PDCD11: variants seen among roughly 807,000 people sequenced by gnomAD.
The protein encoded by PDCD11 is programmed cell death 11, also known as protein RRP5 homolog.
A neutral mutation model predicts 198.9 loss-of-function variants in PDCD11; 97 were observed. That is an observed-to-expected ratio of 0.49 (90% CI 0.41 to 0.58). The LOEUF is 0.58. Among genes scored for constraint, PDCD11 ranks in the 20% least tolerant of loss-of-function variants. The pLI, the probability that PDCD11 is intolerant of heterozygous loss-of-function variation, is 0.00. For missense variants in PDCD11, 2,102 were observed against 2,312.7 expected, an observed-to-expected ratio of 0.91 and a Z score of 1.87; for synonymous variants, 893 against 918.0, an observed-to-expected ratio of 0.97 and a Z score of 0.49.
At chr10:103,397,314 A>G (rs182465517) in intron 1 of PDCD11, among the ~76,000 whole-genome samples, 5 of 150,644 alleles carry the variant, frequency 3.3e-5, no homozygotes, top group Admixed American at 2.0e-4. Context: ...CTTCATGTCC[A>G]ATCTATAGCC....
At chr10:103,435,864 TA>T (rs1332149844) in intron 25 of PDCD11, among the ~76,000 whole-genome samples, 3 of 152,166 alleles carry the variant, frequency 2.0e-5, no homozygotes, top group Non-Finnish European at 4.4e-5. Flanking sequence ...AATAAATTCC[TA>T]GAAGTGAAAT....
Position 103,443,936 on chromosome 10 carries a change from C to A in PDCD11, c.5146C>A (p.Arg1716=). 6.2e-7 allele frequency: 1 copy of A among 1,614,170 alleles called. No homozygotes were observed. Among genetic ancestry groups the A allele is most frequent in the Non-Finnish European group, 8.5e-7 (1 of 1,180,016 alleles). ...ACAGGAAGCTGGTGAACTCTACAAC[C>A]GGATGCTGAAGCGTTTCCGGCAGGA... The part of the protein sequence containing the change: ...KFQEAGELYN[R]MLKRFRQEKA... The change falls in exon 34 of 36, where the codon CGG becomes AGG. Residue 1716 remains arginine, a synonymous_variant. Transcript: ENST00000369797.
At chr10:103,399,873 T>G (rs2093455310) in intron 2 of PDCD11, 2 of 151,840 alleles carry the variant, frequency 1.3e-5, no homozygotes, top group Admixed American at 1.3e-4. Context: ...GTATTTTTAG[T>G]GGAAAAAAAA....
At chr10:103,410,389 GTAT>G (rs1194595226) in intron 8 of PDCD11, among the ~76,000 whole-genome samples, 1 of 151,968 alleles carries the variant, frequency 6.6e-6, no homozygotes, top group Non-Finnish European at 1.5e-5. Context: ...GGTGGTAGTA[GTAT>G]TTTTGTTTTT....
At chr10:103,397,693 C>G (rs887007563) in intron 1 of PDCD11, among the ~76,000 whole-genome samples, 1 of 152,216 alleles carries the variant, frequency 6.6e-6, no homozygotes, top group Non-Finnish European at 1.5e-5. Flanking sequence ...CTCGGGCTCC[C>G]GAAGTGCTGG....
At chr10:103,414,766 T>C (rs1327031777) in intron 11 of PDCD11, among the ~76,000 whole-genome samples, 1 of 152,206 alleles carries the variant, frequency 6.6e-6, no homozygotes, top group Non-Finnish European at 1.5e-5. Context: ...GGAATGTATT[T>C]TAAGGCACAC....
At chr10:103,421,596 G>A in intron 17 of PDCD11, 29 bp downstream of exon 17, 2 of 1,483,382 alleles carry the variant, frequency 1.3e-6, no homozygotes, top group African/African-American at 1.4e-5. Flanking sequence ...AGGGGAGGTG[G>A]GCCAGGGGTG....
In PDCD11 at chr10:103,425,480, C is replaced by CTT; in HGVS notation, c.3260_3261insTT (p.Val1088TrpfsTer6). On this transcript the variant is annotated frameshift_variant, in exon 20 of 36. Coordinates refer to ENST00000369797, the MANE Select transcript of PDCD11 (RefSeq NM_014976.2). LOFTEE classifies it high-confidence loss of function. ...ACTACCAAGCTGAAGGTTGGGAAGA[C>CTT]GGTCACTGCCCGAGTGATTGGCGGG... The CTT allele has an allele frequency of 6.2e-7, 1 of 1,613,750 alleles. No individual in the cohort carries two copies. Among genetic ancestry groups the CTT allele is most frequent in the Non-Finnish European group, 8.5e-7 (1 of 1,179,846 alleles).
Position 103,406,036 on chromosome 10 carries a change from A to G in PDCD11, c.616A>G (p.Ile206Val), listed in dbSNP as rs768622622. Residue 206 changes from isoleucine to valine, a missense_variant, in exon 6 of 36, where the codon ATT becomes GTT. Coordinates refer to ENST00000369797, the MANE Select transcript of PDCD11 (RefSeq NM_014976.2). ...SLEDHGYLVD[I>V]GVDGTRAFLP... is the part of the protein sequence containing the mutation. ...GGAAGACCATGGCTACCTAGTGGACATTGGTGTTGATGGGACCAGAGCTTT... is the reference window on the plus strand; with the variant it reads ...GGAAGACCATGGCTACCTAGTGGACGTTGGTGTTGATGGGACCAGAGCTTT... The G allele has an allele frequency of 7.4e-6, 12 of 1,613,996 alleles. No homozygotes were observed. The highest frequency in any genetic ancestry group is 1.3e-5 in the African/African-American group (1 of 74,930).
intron 5 of PDCD11, among the ~76,000 whole-genome samples, chr10:103,405,781 T>C (rs1337137637): frequency 6.6e-6 from 1 of 152,222 alleles, no homozygotes; most frequent in African/African-American, 2.4e-5. Context: ...CATTCCTCAT[T>C]GCCTGGCAAC....
In PDCD11 at chr10:103,438,787, A is replaced by G; in HGVS notation, c.4004A>G (p.Gln1335Arg). The G allele has an allele frequency of 6.2e-7, 1 of 1,614,102 alleles. No individual in the cohort carries two copies. Among genetic ancestry groups the G allele is most frequent in the Non-Finnish European group, 8.5e-7 (1 of 1,180,034 alleles). Residue 1335 changes from glutamine (Q) to arginine (R), a missense_variant, in exon 27 of 36, where the codon CAG (glutamine) becomes CGG (arginine). Transcript: ENST00000369797. ...CTGAGGGGCTATGTAGGGTCCATCCAGCCACACGGTGTGTTCTTTCGGTGA... is the reference window on the plus strand; with the variant it reads ...CTGAGGGGCTATGTAGGGTCCATCCGGCCACACGGTGTGTTCTTTCGGTGA... Reference protein sequence around the residue: ...QLLRGYVGSIQPHGVFFRLGP... With the variant: ...QLLRGYVGSIRPHGVFFRLGP...
rs765129493 is a variant in PDCD11 at position 103,438,050 on chromosome 10, C to T, written c.3881C>T (p.Thr1294Ile). ...YILSTADNVL[T>I]LSLRSSRTNP... ...CTGTCCACTGCAGACAACGTATTGA[C>T]TTTGTCGCTGCGATCATCCAGGTGG... Residue 1294 changes from threonine (T) to isoleucine (I), a missense_variant, in exon 26 of 36, where the codon ACT becomes ATT. Transcript: ENST00000369797. 8 of 1,613,584 alleles carry T rather than the reference C, an allele frequency of 5.0e-6. No homozygotes were observed. The highest frequency in any genetic ancestry group is 2.2e-5 in the South Asian group (2 of 91,084).
At chr10:103,408,563 CAG>C (rs1206328305) in intron 7 of PDCD11, among the ~76,000 whole-genome samples, 2 of 151,782 alleles carry the variant, frequency 1.3e-5, no homozygotes, top group Admixed American at 6.6e-5. Flanking sequence ...ATTTTTGAGA[CAG>C]AGTCTTGCTC....
chr10:103,440,756 A>G lies in PDCD11; in HGVS notation c.4463A>G (p.Lys1488Arg). The G allele has an allele frequency of 6.2e-7, 1 of 1,614,196 alleles. No homozygotes were observed. The highest frequency in any genetic ancestry group is 8.5e-7 in the Non-Finnish European group (1 of 1,180,026). ...SEQERVSKKP[K>R]KAGLSEEDDS... ...CAGGAAAGAGTGAGCAAGAAGCCAA[A>G]GAAAGCCGGCCTGTCAGAGGAGGAC... Residue 1488 changes from lysine (K) to arginine (R), a missense_variant, in exon 30 of 36, where the codon AAG (lysine) becomes AGG (arginine). Physicochemically the swap from Lys to Arg is conservative, Grantham distance 26. Transcript: ENST00000369797.
At chr10:103,427,637 G>C (rs770884905) in intron 21 of PDCD11, among the ~76,000 whole-genome samples, 12 of 152,168 alleles carry the variant, frequency 7.9e-5, no homozygotes, top group Non-Finnish European at 1.8e-4. Flanking sequence ...AGTTCTGTTT[G>C]TCAGCATGTC....
At position 103,423,523 on chromosome 10, in the gene PDCD11, ACTG is replaced by A; in HGVS notation, c.2648-19_2648-17del. The A allele has an allele frequency of 6.5e-7, 1 of 1,529,446 alleles. No homozygotes were observed. Among genetic ancestry groups the A allele is most frequent in the Non-Finnish European group, 9.1e-7 (1 of 1,103,014 alleles). The allele number at this position is 1,529,446 out of a possible 1,614,324, so 94.7% of individuals were successfully genotyped here. A position where few individuals can be genotyped will look rare whatever the true frequency, so the allele number is the denominator to read the frequency against. ...CACTCTGTTCCAGAAGGATAATCAC[ACTG>A]TGGTTCTGCACTGCAGGGCAGGAGG... On this transcript the variant is annotated splice_polypyrimidine_tract_variant and intron_variant, in intron 18 of 35. Transcript: ENST00000369797.
At chr10:103,400,206 G>C (rs1490011082) in intron 2 of PDCD11, among the ~76,000 whole-genome samples, 191 bp from the exon 3 acceptor site, 4 of 150,030 alleles carry the variant, frequency 2.7e-5, no homozygotes, top group African/African-American at 9.8e-5. Context: ...TGGGCAGAGG[G>C]AACATTGGCG....
chr10:103,401,707 T>A (rs796855021), intron 3 of PDCD11, among the ~76,000 whole-genome samples: 11 of 152,248 alleles, frequency 7.2e-5, no homozygotes, highest in South Asian at 6.2e-4. Context: ...TTTAAAAAAA[T>A]TGTTAGACTT....
chr10:103,436,863 A>G lies in PDCD11; in HGVS notation c.3846-1152A>G, dbSNP rs181494703. Reference sequence around the variant, plus strand: ...TTTTGCTGAGATCCTTTCTACCTCTAAGAATCTGTATATTATGGTTTTGGA... The same window carrying G: ...TTTTGCTGAGATCCTTTCTACCTCTGAGAATCTGTATATTATGGTTTTGGA... On this transcript the variant is annotated intron_variant, in intron 25 of 35. Coordinates refer to ENST00000369797, the MANE Select transcript of PDCD11 (RefSeq NM_014976.2). 2.6e-5 allele frequency among the ~76,000 whole-genome samples: 4 copies of G among 152,274 alleles called. No homozygotes were observed. The East Asian group carries it at 5.8e-4, about 22-fold the overall frequency.
Sources: gnomAD v4.1 joint callset for allele counts (sites outside exome capture counted in the v4.1 genomes callset) on GRCh38, gnomAD v4.1.1 for gene constraint, MANE v1.5 for transcripts, NCBI Gene and HGNC (gene_info 2026-07-23, HGNC 2026-07-21) for gene names.